The following ANKRD31 variants were observed in gnomAD, a reference collection of about 807,000 sequenced individuals.
The protein encoded by ANKRD31 is ankyrin repeat domain 31, also known as ankyrin repeat domain-containing protein 31.
ANKRD31 carries 147 observed loss-of-function variants against 186.0 expected under a neutral mutation model. That is an observed-to-expected ratio of 0.79 (90% CI 0.69 to 0.91). The LOEUF is 0.91. ANKRD31 is among the 40% of genes least tolerant of loss of function. The pLI, the probability that ANKRD31 is intolerant of heterozygous loss-of-function variation, is 0.00. For synonymous variants in ANKRD31, 673 were observed against 736.4 expected (o/e 0.91, Z 1.39); for missense variants, 1,986 against 2,148.8 (o/e 0.92, Z 1.50).
chr5:75,191,661 T>G (rs1410396974), intron 9 of ANKRD31, among the ~76,000 whole-genome samples: 5 of 152,114 alleles, frequency 3.3e-5, no homozygotes, highest in Non-Finnish European at 7.4e-5. Flanking sequence ...CTTACAATGC[T>G]GAATCTTTCT....
Position 75,162,417 on chromosome 5 carries a change from C to T in ANKRD31, c.1707+6562G>A, listed in dbSNP as rs188776314. On this transcript the variant is annotated intron_variant, in intron 11 of 25. Coordinates refer to ENST00000506364, the MANE Select transcript of ANKRD31 (RefSeq NM_001372053.1). ...TGGCTGTATTTACCCAATGCCTGTA[C>T]CCCCATTGTATCTACAAGGTAACTA... Among the ~76,000 whole-genome samples the T allele has an allele frequency of 1.8e-3, 280 of 152,282 alleles. 1 individual carries two copies. Among genetic ancestry groups the T allele is most frequent in the Non-Finnish European group, 3.4e-3 (229 of 68,020 alleles).
chr5:75,078,174 G>A (rs890249091), intron 25 of ANKRD31, among the ~76,000 whole-genome samples: 1 of 152,066 alleles, frequency 6.6e-6, no homozygotes, highest in Non-Finnish European at 1.5e-5. Flanking sequence ...TGGTAAATAA[G>A]AGCTGAAATA....
intron 16 of ANKRD31, among the ~76,000 whole-genome samples, chr5:75,138,461 TA>T (rs1382737935): frequency 6.6e-6 from 1 of 151,718 alleles, no homozygotes; most frequent in Admixed American, 6.6e-5. Context: ...AGTTTTAGAA[TA>T]AAAATAAAGA....
chr5:75,186,534 A>C (rs1754723765), intron 10 of ANKRD31, among the ~76,000 whole-genome samples: 1 of 152,184 alleles, frequency 6.6e-6, no homozygotes. Flanking sequence ...AATGTGTTAC[A>C]GGTATAGGAA....
chr5:75,106,908 G>A (rs1747369129), intron 21 of ANKRD31, among the ~76,000 whole-genome samples: 1 of 151,750 alleles, frequency 6.6e-6, no homozygotes, highest in Non-Finnish European at 1.5e-5. Flanking sequence ...AATGATTATA[G>A]GAGAAGAATA....
At chr5:75,115,185 T>A (rs1304093362) in intron 19 of ANKRD31, among the ~76,000 whole-genome samples, 7 of 150,284 alleles carry the variant, frequency 4.7e-5, no homozygotes, top group Non-Finnish European at 7.4e-5. Flanking sequence ...TAAATGGTGC[T>A]GGGAAAACTG....
chr5:75,141,034 C>A (rs1233057615), intron 15 of ANKRD31, among the ~76,000 whole-genome samples: 1 of 152,132 alleles, frequency 6.6e-6, no homozygotes, highest in Non-Finnish European at 1.5e-5. Flanking sequence ...TAGGGCCCAG[C>A]AATCTGTGTT....
At chr5:75,111,087 T>C (rs867557463) in intron 20 of ANKRD31, among the ~76,000 whole-genome samples, 2 of 151,920 alleles carry the variant, frequency 1.3e-5, no homozygotes, top group Middle Eastern at 6.8e-3. Flanking sequence ...GGAACATTTA[T>C]TAAACACTAA....
At chr5:75,090,653 A>C (rs1434819289) in intron 23 of ANKRD31, among the ~76,000 whole-genome samples, 1 of 152,164 alleles carries the variant, frequency 6.6e-6, no homozygotes, top group Non-Finnish European at 1.5e-5. Flanking sequence ...TGAACACTAG[A>C]CCTCAAGAAC....
At chr5:75,163,665 A>T (rs1752724964) in intron 11 of ANKRD31, among the ~76,000 whole-genome samples, 1 of 152,214 alleles carries the variant, frequency 6.6e-6, no homozygotes, top group South Asian at 2.1e-4. Flanking sequence ...CCTGGACTTG[A>T]AAGAATTTTA....
Position 75,146,637 on chromosome 5 carries a change from T to G in ANKRD31, c.2774A>C (p.Lys925Thr). Residue 925 changes from lysine to threonine, a missense_variant, in exon 14 of 26, where the codon AAA (lysine) becomes ACA (threonine). Transcript: ENST00000506364. ...ATTCTCCTTAAAATTATAGTGTTTTTTGCCACCTGTAGAACACAACACCTT... is the reference window on the plus strand; with the variant it reads ...ATTCTCCTTAAAATTATAGTGTTTTGTGCCACCTGTAGAACACAACACCTT... ...SKKVLCSTGGKKHYNFKENLT... is the reference protein window; with the variant it reads ...SKKVLCSTGGTKHYNFKENLT... The G allele has an allele frequency of 3.9e-6, 6 of 1,535,804 alleles. No individual in the cohort carries two copies. Among genetic ancestry groups the G allele is most frequent in the Non-Finnish European group, 5.2e-6 (6 of 1,146,192 alleles).
intron 3 of ANKRD31, among the ~76,000 whole-genome samples, chr5:75,214,892 T>G (rs1352629728): frequency 1.3e-5 from 2 of 152,212 alleles, no homozygotes; most frequent in African/African-American, 4.8e-5. Context: ...TGATGCCCAC[T>G]GTATTAGTCA....
chr5:75,206,594 A>C (rs556313266), intron 4 of ANKRD31, 107 bp from the exon 5 acceptor site: 1 of 488,228 alleles, frequency 2.0e-6, no homozygotes, highest in African/African-American at 2.0e-5. Flanking sequence ...CTTTCCAAAT[A>C]GGATAATTTT....
At chr5:75,227,612 T>G (rs1757708821) in intron 2 of ANKRD31, among the ~76,000 whole-genome samples, 1 of 152,174 alleles carries the variant, frequency 6.6e-6, no homozygotes. Flanking sequence ...TAACTCCATT[T>G]TTACAGACCA....
intron 17 of ANKRD31, among the ~76,000 whole-genome samples, chr5:75,131,229 A>G (rs1444770048): frequency 1.3e-5 from 2 of 152,162 alleles, no homozygotes; most frequent in African/African-American, 4.8e-5. Context: ...GGGCCCCCAC[A>G]GTGCAACGGC....
chr5:75,081,771 A>C (rs1745102580), intron 24 of ANKRD31, among the ~76,000 whole-genome samples: 1 of 152,084 alleles, frequency 6.6e-6, no homozygotes. Context: ...AGAGAGAGAG[A>C]GAGGATAGAG....
chr5:75,185,722 A>G, intron 10 of ANKRD31, among the ~76,000 whole-genome samples: 1 of 152,114 alleles, frequency 6.6e-6, no homozygotes, highest in East Asian at 1.9e-4. Flanking sequence ...TAGATATGCT[A>G]ATTACTCTGA....
intron 22 of ANKRD31, among the ~76,000 whole-genome samples, chr5:75,103,806 A>T (rs1200877360): frequency 6.6e-6 from 1 of 152,118 alleles, no homozygotes; most frequent in African/African-American, 2.4e-5. Flanking sequence ...CAATGAGAAC[A>T]CGTGAACACA....
chr5:75,190,000 T>C (rs1259796098), intron 9 of ANKRD31, among the ~76,000 whole-genome samples: 3 of 146,078 alleles, frequency 2.1e-5, no homozygotes, highest in Non-Finnish European at 4.5e-5. Flanking sequence ...AAGTTTTGTT[T>C]AGAATTTTTT....
Sources: allele counts gnomAD v4.1 joint callset (sites outside exome capture counted in the v4.1 genomes callset), GRCh38; gene constraint gnomAD v4.1.1; transcripts MANE v1.5; gene names NCBI Gene and HGNC (gene_info 2026-07-23, HGNC 2026-07-21).